The following ERC1 variants were observed in gnomAD, a reference collection of about 807,000 sequenced individuals.
ERC1 encodes the protein ELKS/RAB6-interacting/CAST family member 1.
ERC1 carries 56 observed loss-of-function variants against 132.0 expected under a neutral mutation model. The observed-to-expected ratio is 0.42, with a 90% confidence interval of 0.34 to 0.53. The LOEUF is 0.53. Ranked by LOEUF, ERC1 falls within the 20% of genes least tolerant of loss-of-function variation. ERC1 has a pLI of 0.03. For synonymous variants in ERC1, 478 were observed against 476.1 expected (o/e 1.00, Z -0.05); for missense variants, 1,202 against 1,349.9 (o/e 0.89, Z 1.72).
chr12:1,439,070 G>A (rs1207113614), intron 17 of ERC1, among the ~76,000 whole-genome samples: 5 of 152,088 alleles, frequency 3.3e-5, no homozygotes, highest in Non-Finnish European at 5.9e-5. Flanking sequence ...GGCTTTATGA[G>A]GAGGCTGTGT....
At chr12:1,196,905 TACACACACACAC>T (rs766381798) in intron 12 of ERC1, among the ~76,000 whole-genome samples, 1,132 of 57,662 alleles carry the variant, frequency 0.02, 47 homozygotes, top group East Asian at 0.039. Context: ...TCTGTCTCTC[TACACACACACAC>T]ACACACACAC....
At chr12:1,016,632 TTTC>T (rs1180407523) in intron 1 of ERC1, among the ~76,000 whole-genome samples, 1 of 144,302 alleles carries the variant, frequency 6.9e-6, no homozygotes, top group Non-Finnish European at 1.5e-5. Context: ...GTGCTTTTCT[TTTC>T]TTTTTTTTTT....
In ERC1 at chr12:1,083,580, G is replaced by C. The variant is rs527528990; in HGVS notation, c.1086G>C (p.Glu362Asp). The change falls in exon 3 of 19, where the codon GAG becomes GAC. Residue 362 changes from glutamate (E) to aspartate (D), a missense_variant and splice_region_variant. By Grantham distance (45) the Glu-to-Asp change is conservative. Coordinates refer to ENST00000360905, the MANE Select transcript of ERC1 (RefSeq NM_178040.4). Reference sequence around the variant, plus strand: ...AAAAAGAGAACAGTATGTTGAGAGAGGTATGTGACTACTTTTTTAGTTTTA... The same window carrying C: ...AAAAAGAGAACAGTATGTTGAGAGACGTATGTGACTACTTTTTTAGTTTTA... ...QKEKENSMLREEMHRRFENAP... is the reference protein window; with the variant it reads ...QKEKENSMLRDEMHRRFENAP... 1.3e-6 allele frequency: 2 copies of C among 1,572,710 alleles called. No individual in the cohort carries two copies. The highest frequency in any genetic ancestry group is 1.7e-4 in the Middle Eastern group (1 of 5,844).
chr12:1,203,095 T>A (rs902576862), intron 12 of ERC1, among the ~76,000 whole-genome samples: 2 of 152,240 alleles, frequency 1.3e-5, no homozygotes, highest in African/African-American at 4.8e-5. Flanking sequence ...TCTTGCTCTG[T>A]TGCCCAGGCT....
intron 2 of ERC1, among the ~76,000 whole-genome samples, chr12:1,038,634 C>T (rs947818484): frequency 2.6e-5 from 4 of 152,172 alleles, no homozygotes; most frequent in African/African-American, 4.8e-5. Context: ...GCTAAGATTA[C>T]AGGCGTGAGC....
intron 1 of ERC1, among the ~76,000 whole-genome samples, chr12:1,020,042 C>T (rs1180287186): frequency 2.6e-5 from 4 of 152,152 alleles, no homozygotes; most frequent in African/African-American, 9.7e-5. Flanking sequence ...GCATGGGCCA[C>T]TGTGTCAGGC....
intron 13 of ERC1, among the ~76,000 whole-genome samples, chr12:1,253,133 A>G (rs2076567476): frequency 6.6e-6 from 1 of 152,128 alleles, no homozygotes. Context: ...GAGCTGGGAG[A>G]GGGAGGAGAG....
chr12:1,270,625 A>G (rs2077772482), intron 14 of ERC1, among the ~76,000 whole-genome samples: 1 of 151,822 alleles, frequency 6.6e-6, no homozygotes, highest in Non-Finnish European at 1.5e-5. Context: ...ATTTTAATTA[A>G]AATGTATTCA....
chr12:1,399,924 C>T (rs974113868), intron 16 of ERC1, among the ~76,000 whole-genome samples: 4 of 152,186 alleles, frequency 2.6e-5, no homozygotes, highest in Admixed American at 6.5e-5. Context: ...ATTGCTAAGT[C>T]ATATGGTAAT....
intron 13 of ERC1, among the ~76,000 whole-genome samples, chr12:1,257,673 T>C (rs1594597619): frequency 6.6e-6 from 1 of 152,218 alleles, no homozygotes; most frequent in South Asian, 2.1e-4. Context: ...GAGTTACAAA[T>C]GTATGTAAAA....
chr12:1,179,577 G>A (rs1424406097), intron 8 of ERC1, among the ~76,000 whole-genome samples: 1 of 139,166 alleles, frequency 7.2e-6, no homozygotes, highest in Non-Finnish European at 1.5e-5. Context: ...GCGGGATCTC[G>A]GCTCACTGCA....
intron 1 of ERC1, among the ~76,000 whole-genome samples, chr12:1,024,153 G>C (rs528389165): frequency 1.3e-5 from 2 of 152,358 alleles, no homozygotes; most frequent in East Asian, 3.9e-4. Context: ...GGCTGAGGCA[G>C]GCGAATCCGT....
At chr12:1,203,959 T>C (rs988126702) in intron 12 of ERC1, 6 of 152,534 alleles carry the variant, frequency 3.9e-5, no homozygotes, top group Non-Finnish European at 5.9e-5. Context: ...GAGAAAATTA[T>C]GTTTTAACAT....
At chr12:1,212,933 T>C (rs1460427913) in intron 12 of ERC1, among the ~76,000 whole-genome samples, 3 of 152,248 alleles carry the variant, frequency 2.0e-5, no homozygotes, top group African/African-American at 7.2e-5. Context: ...TATTTGTCTA[T>C]TTAATGAGTA....
At chr12:1,479,856 T>C (rs1183341332) in intron 18 of ERC1, among the ~76,000 whole-genome samples, 1 of 152,132 alleles carries the variant, frequency 6.6e-6, no homozygotes, top group Non-Finnish European at 1.5e-5. Flanking sequence ...GGTGCCCACG[T>C]AGTCAACAGC....
At chr12:1,483,600 T>C (rs2094133062) in intron 18 of ERC1, among the ~76,000 whole-genome samples, 1 of 151,032 alleles carries the variant, frequency 6.6e-6, no homozygotes. Flanking sequence ...TGATGTTGCT[T>C]GTGCTATAAA....
intron 15 of ERC1, among the ~76,000 whole-genome samples, chr12:1,323,921 T>A (rs1361202488): frequency 6.6e-6 from 1 of 152,224 alleles, no homozygotes; most frequent in Non-Finnish European, 1.5e-5. Context: ...GCCTCTGCTA[T>A]TTTACCTTCT....
chr12:1,262,662 G>T (rs2286036), intron 13 of ERC1, among the ~76,000 whole-genome samples: 29,750 of 151,674 alleles, frequency 0.2, 4,323 homozygotes, highest in African/African-American at 0.42. Flanking sequence ...ATATTCGGTC[G>T]AATTACTATC....
At chr12:1,167,727 T>C (rs1952565896) in intron 8 of ERC1, among the ~76,000 whole-genome samples, 1 of 151,044 alleles carries the variant, frequency 6.6e-6, no homozygotes, top group Admixed American at 6.6e-5. Context: ...CTTTTTTTTT[T>C]TTTTTCCGAG....
Sources: allele counts gnomAD v4.1 joint callset (sites outside exome capture counted in the v4.1 genomes callset), GRCh38; gene constraint gnomAD v4.1.1; transcripts MANE v1.5; gene names NCBI Gene and HGNC (gene_info 2026-07-23, HGNC 2026-07-21).